The following IPMK variants were observed in gnomAD, a reference collection of about 807,000 sequenced individuals.
IPMK encodes inositol polyphosphate multikinase.
Under a neutral mutation model 45.8 loss-of-function variants are expected in IPMK, and 17 were observed. The ratio of observed to expected loss-of-function variants is 0.37; its 90% confidence interval spans 0.25 to 0.56. The LOEUF (loss-of-function observed/expected upper bound fraction) is 0.56. Among genes scored for constraint, IPMK ranks in the 20% least tolerant of loss-of-function variants. The pLI, the probability that IPMK is intolerant of heterozygous loss-of-function variation, is 0.79. For missense variants in IPMK, 399 were observed against 498.0 expected, an observed-to-expected ratio of 0.80 and a Z score of 1.89; for synonymous variants, 180 against 184.3, an observed-to-expected ratio of 0.98 and a Z score of 0.19.
intron 2 of IPMK, among the ~76,000 whole-genome samples, chr10:58,228,355 T>C (rs1838453425): frequency 6.6e-6 from 1 of 152,230 alleles, no homozygotes; most frequent in Admixed American, 6.5e-5. Flanking sequence ...GTATCATCTC[T>C]GTAAAGGCAC....
At position 58,230,344 on chromosome 10, in the gene IPMK, C is replaced by T. The variant is rs559312390; in HGVS notation, c.277-3205G>A. 3.3e-5 allele frequency among the ~76,000 whole-genome samples: 5 copies of T among 152,306 alleles called. No homozygotes were observed. The South Asian group carries it at 1.0e-3, about 32-fold the overall frequency. ...TTGAGCTCTGAGAACAAGCAGACTG[C>T]CCCCTCAAGTGGGTCCCTGACCCCC... On this transcript the variant is annotated intron_variant, in intron 2 of 5. Coordinates refer to ENST00000373935, the MANE Select transcript of IPMK (RefSeq NM_152230.5).
chr10:58,214,190 G>A (rs1385945389), intron 4 of IPMK, among the ~76,000 whole-genome samples: 1 of 152,188 alleles, frequency 6.6e-6, no homozygotes, highest in African/African-American at 2.4e-5. Flanking sequence ...TTCTTGAAGA[G>A]ATAAGAAGGA....
At chr10:58,264,724 G>C (rs1338260132) in intron 1 of IPMK, among the ~76,000 whole-genome samples, 1 of 152,124 alleles carries the variant, frequency 6.6e-6, no homozygotes, top group Non-Finnish European at 1.5e-5. Context: ...TACAGAAATA[G>C]TTAAATAAAT....
intron 1 of IPMK, among the ~76,000 whole-genome samples, chr10:58,247,520 T>G (rs9730970): frequency 7.9e-5 from 12 of 151,492 alleles, no homozygotes; most frequent in Non-Finnish European, 1.6e-4. Context: ...ATGGATGAAA[T>G]TGGAAATCAT....
intron 3 of IPMK, among the ~76,000 whole-genome samples, chr10:58,223,438 G>A (rs1020645243): frequency 3.3e-5 from 5 of 152,090 alleles, no homozygotes; most frequent in Admixed American, 3.3e-4. Flanking sequence ...AAGGCAACAG[G>A]GAGGGCATTT....
rs1188388535 is a variant in IPMK at position 58,199,313 on chromosome 10, A to G, written c.555T>C (p.His185=). 1 of 1,602,014 alleles carries G rather than the reference A, an allele frequency of 6.2e-7. No individual in the cohort carries two copies. Among genetic ancestry groups the G allele is most frequent in the Admixed American group, 1.7e-5 (1 of 58,910 alleles). ...GFLVLGMRVY[H]VHSDSYETEN... ...CTGTCTCATAGCTATCGGAATGAACATGATAAACCTGTCAAAAAAAGCAGT... is the reference window on the plus strand; with the variant it reads ...CTGTCTCATAGCTATCGGAATGAACGTGATAAACCTGTCAAAAAAAGCAGT... The change falls in exon 5 of 6, where the codon CAT becomes CAC. Residue 185 remains histidine (H), a synonymous_variant. Transcript: ENST00000373935.
At chr10:58,201,128 G>T (rs1169631587) in intron 4 of IPMK, among the ~76,000 whole-genome samples, 1 of 152,146 alleles carries the variant, frequency 6.6e-6, no homozygotes, top group African/African-American at 2.4e-5. Flanking sequence ...GTATTTGCAT[G>T]TTTAAAATAT....
intron 4 of IPMK, among the ~76,000 whole-genome samples, chr10:58,203,582 T>C (rs1287189964): frequency 6.6e-6 from 1 of 152,196 alleles, no homozygotes; most frequent in African/African-American, 2.4e-5. Flanking sequence ...TCCCAAAGTG[T>C]TGGGATTACT....
chr10:58,195,157 G>T lies in IPMK; in HGVS notation c.*919C>A, dbSNP rs1812897472. The T allele has an allele frequency of 6.6e-6, 1 of 151,714 alleles. No homozygotes were observed. Among genetic ancestry groups the T allele is most frequent in the Admixed American group, 6.6e-5 (1 of 15,238 alleles). 9.4% of individuals were successfully genotyped at this position (151,714 alleles called of 1,614,324 possible). A position where few individuals can be genotyped will look rare whatever the true frequency, so the allele number is the denominator to read the frequency against. On this transcript the variant is annotated 3_prime_UTR_variant, in exon 6 of 6. Transcript: ENST00000373935. ...ATTTACACTACCACTTAACTAAATG[G>T]GGACATATAAATACATAAATTTTTA...
chr10:58,237,986 C>G (rs971771919), intron 1 of IPMK, among the ~76,000 whole-genome samples, 172 bp from the exon 2 acceptor site: 3 of 152,210 alleles, frequency 2.0e-5, no homozygotes, highest in Non-Finnish European at 4.4e-5. Context: ...GTACTTATTA[C>G]AGCAAAGCAC....
At chr10:58,256,748 CTCTTTA>C (rs772370480) in intron 1 of IPMK, among the ~76,000 whole-genome samples, 12 of 152,146 alleles carry the variant, frequency 7.9e-5, no homozygotes, top group Non-Finnish European at 1.8e-4. Flanking sequence ...TGTACTCTTT[CTCTTTA>C]TTTGTCAGAC....
At position 58,235,201 on chromosome 10, in the gene IPMK, A is replaced by G. The variant is rs1246074357; in HGVS notation, c.276+2528T>C. Among the ~76,000 whole-genome samples the G allele has an allele frequency of 5.9e-5, 9 of 152,310 alleles. No homozygotes were observed. The South Asian group carries it at 1.2e-3, about 21-fold the overall frequency. On this transcript the variant is annotated intron_variant, in intron 2 of 5. Coordinates refer to ENST00000373935, the MANE Select transcript of IPMK (RefSeq NM_152230.5). ...GGAGAGGATGTGGAGAAATAGGAAC[A>G]CTTTTACACTGTTGGTGGGAGTGTA...
Position 58,193,313 on chromosome 10 carries a change from A to G in IPMK, c.*2763T>C, listed in dbSNP as rs1027942076. 8 of 151,974 alleles carry G rather than the reference A, an allele frequency of 5.3e-5. No homozygotes were observed. Among genetic ancestry groups the G allele is most frequent in the African/African-American group, 1.9e-4 (8 of 41,450 alleles). The allele number at this position is 151,974 out of a possible 1,614,324, so 9.4% of individuals were successfully genotyped here. ...CTTCAGTTAAACAGTTTAGAGCCCC[A>G]TAAGAGCAAACTGTAGTGTAAAGAG... On this transcript the variant is annotated 3_prime_UTR_variant, in exon 6 of 6. Coordinates refer to ENST00000373935, the MANE Select transcript of IPMK (RefSeq NM_152230.5).
At chr10:58,223,983 C>T (rs1838376131) in intron 3 of IPMK, among the ~76,000 whole-genome samples, 1 of 152,160 alleles carries the variant, frequency 6.6e-6, no homozygotes, top group Non-Finnish European at 1.5e-5. Context: ...TATAAATTAT[C>T]CAGTCTCAGG....
intron 1 of IPMK, among the ~76,000 whole-genome samples, chr10:58,261,225 CAGAA>C (rs1412445977): frequency 1.3e-5 from 2 of 148,154 alleles, no homozygotes; most frequent in African/African-American, 5.0e-5. Context: ...GATTTTGTAT[CAGAA>C]AGAAAGGGAA....
At chr10:58,264,403 T>C (rs1839118290) in intron 1 of IPMK, among the ~76,000 whole-genome samples, 1 of 152,182 alleles carries the variant, frequency 6.6e-6, no homozygotes, top group Admixed American at 6.5e-5. Context: ...CCCACAACAA[T>C]TATCAGTTTA....
rs1350462551 is a variant in IPMK, at chr10:58,193,309, C to G, written c.*2767G>C. On this transcript the variant is annotated 3_prime_UTR_variant, in exon 6 of 6. Transcript: ENST00000373935. Reference sequence around the variant, plus strand: ...GGTTCTTCAGTTAAACAGTTTAGAGCCCCATAAGAGCAAACTGTAGTGTAA... The same window carrying G: ...GGTTCTTCAGTTAAACAGTTTAGAGGCCCATAAGAGCAAACTGTAGTGTAA... 1 of 151,736 alleles carries G rather than the reference C, an allele frequency of 6.6e-6. No homozygotes were observed. The highest frequency in any genetic ancestry group is 2.4e-5 in the African/African-American group (1 of 41,368). 9.4% of individuals were successfully genotyped at this position (151,736 alleles called of 1,614,324 possible).
At chr10:58,250,578 G>A (rs193127762) in intron 1 of IPMK, among the ~76,000 whole-genome samples, 2 of 152,188 alleles carry the variant, frequency 1.3e-5, no homozygotes, top group East Asian at 3.9e-4. Context: ...GTATTTTGGT[G>A]GAGTCTTTAG....
intron 3 of IPMK, among the ~76,000 whole-genome samples, chr10:58,219,602 A>C (rs971005873): frequency 2.0e-5 from 3 of 152,198 alleles, no homozygotes; most frequent in African/African-American, 7.2e-5. Flanking sequence ...TTAACAAAGG[A>C]CACCTTTTCG....
Sources: allele counts gnomAD v4.1 joint callset (sites outside exome capture counted in the v4.1 genomes callset), GRCh38; gene constraint gnomAD v4.1.1; transcripts MANE v1.5; gene names NCBI Gene and HGNC (gene_info 2026-07-23, HGNC 2026-07-21).